Variants in PNPLA7 observed in about 807,000 individuals in gnomAD.
PNPLA7 encodes patatin like domain 7, lysophospholipase.
A neutral mutation model predicts 161.7 loss-of-function variants in PNPLA7; 153 were observed. That is an observed-to-expected ratio of 0.95 (90% confidence interval 0.83 to 1.08). The LOEUF is 1.08. Ranked by LOEUF, PNPLA7 falls within the 50% of genes least tolerant of loss-of-function variation. The probability of loss-of-function intolerance (pLI) is 0.00; values close to 1 mark genes in which losing one functional copy is unlikely to be tolerated. For synonymous variants in PNPLA7, 809 were observed against 782.1 expected, an observed-to-expected ratio of 1.03 and a Z score of -0.57; for missense variants, 1,739 against 1,856.6, an observed-to-expected ratio of 0.94 and a Z score of 1.16.
intron 8 of PNPLA7, among the ~76,000 whole-genome samples, chr9:137,526,703 C>T (rs2132521257): frequency 6.6e-6 from 1 of 152,312 alleles, no homozygotes; most frequent in Middle Eastern, 3.4e-3. Context: ...CCCAAGTTTG[C>T]AGTTTTGGAT....
At position 137,476,042 on chromosome 9, in the gene PNPLA7, A is replaced by G. The variant is rs765040603; in HGVS notation, c.2882+1992T>C. Among the ~76,000 whole-genome samples the G allele has an allele frequency of 6.6e-6, 1 of 152,246 alleles. No homozygotes were observed. The highest frequency in any genetic ancestry group is 2.4e-5 in the African/African-American group (1 of 41,470). ...TGGAATTGAACACAGGAGAGAAACA[A>G]AGGCAGTTTCCAGGGTGGTGGTGAA... On this transcript the variant is annotated intron_variant, in intron 25 of 34. Transcript: ENST00000406427. This position sits in a 1 kb window ranked among gnomAD's most constrained non-coding sequence, Gnocchi z 4.5.
rs1049431238 is a variant in PNPLA7 at position 137,523,239 on chromosome 9, C to T, written c.748-382G>A. ...AGCGTCGGTACCCCTCGCCAAAGGG[C>T]GTGCCAGACACCAACCTGAGCGGGC... On this transcript the variant is annotated intron_variant, in intron 8 of 34. Coordinates refer to ENST00000406427, the MANE Select transcript of PNPLA7 (RefSeq NM_001098537.3). This position sits in a 1 kb window ranked among gnomAD's most constrained non-coding sequence, Gnocchi z 4.4. Among the ~76,000 whole-genome samples, 8 of 152,270 alleles carry T rather than the reference C, an allele frequency of 5.3e-5. No individual in the cohort carries two copies. Among genetic ancestry groups the T allele is most frequent in the African/African-American group, 9.6e-5 (4 of 41,562 alleles).
At chr9:137,545,737 G>C (rs1005421105) in intron 4 of PNPLA7, among the ~76,000 whole-genome samples, 19 of 152,226 alleles carry the variant, frequency 1.2e-4, no homozygotes, top group South Asian at 6.2e-4. Context: ...AGGAGCTGAG[G>C]GGACATAGTG....
chr9:137,479,440 G>T, intron 23 of PNPLA7: 1 of 1,278,790 alleles, frequency 7.8e-7, no homozygotes, highest in Non-Finnish European at 9.9e-7. Flanking sequence ...ACTGTGTGCT[G>T]GGCAAGGTCA....
chr9:137,463,749 C>T (rs1468185720), intron 28 of PNPLA7, among the ~76,000 whole-genome samples: 3 of 151,986 alleles, frequency 2.0e-5, no homozygotes, highest in Admixed American at 6.5e-5. Flanking sequence ...CTGCTGTGAC[C>T]CCCTCACCCC....
chr9:137,478,753 C>G (rs940065027), intron 24 of PNPLA7: 22 of 329,298 alleles, frequency 6.7e-5, no homozygotes, highest in Non-Finnish European at 1.2e-4. Context: ...CCCCTGACGT[C>G]AGGCCCATCC....
In PNPLA7 at chr9:137,492,492, AG is replaced by A. The variant is rs1832813622; in HGVS notation, c.2197+520del. Among the ~76,000 whole-genome samples the A allele has an allele frequency of 8.6e-5, 2 of 23,322 alleles. 1 individual carries two copies. The highest frequency in any genetic ancestry group is 3.3e-3 in the South Asian group (2 of 604). 15.3% of individuals were successfully genotyped at this position (23,322 alleles called of 152,430 possible). A position where few individuals can be genotyped will look rare whatever the true frequency, so the allele number is the denominator to read the frequency against. ...CCATGGGTGGGCGGGGCTCCAGCAC[AG>A]GGGAGGGGCATGGGCGGGTGGGTGG... is the stretch of plus-strand genomic sequence containing the variant. On this transcript the variant is annotated intron_variant, in intron 20 of 34. Coordinates refer to ENST00000406427, the MANE Select transcript of PNPLA7 (RefSeq NM_001098537.3).
intron 8 of PNPLA7, among the ~76,000 whole-genome samples, chr9:137,530,171 T>C (rs1352283593): frequency 2.0e-5 from 3 of 151,368 alleles, no homozygotes; most frequent in Non-Finnish European, 4.4e-5. Flanking sequence ...TTAACCATGT[T>C]GGCCAGGACA....
rs566805121 is a variant in PNPLA7, at chr9:137,500,075, G to A, written c.1757+616C>T. The stretch of plus-strand genomic sequence containing the variant: ...GCGGCTCTGCCAGGCAGCCACAGGC[G>A]GGCCGAGGGCAGCTCTGGGCCTGGA... On this transcript the variant is annotated intron_variant, in intron 16 of 34. Coordinates refer to ENST00000406427, the MANE Select transcript of PNPLA7 (RefSeq NM_001098537.3). The surrounding 1 kb of genome is among the most constrained non-coding windows in gnomAD (Gnocchi z 5.5). 2.0e-5 allele frequency among the ~76,000 whole-genome samples: 3 copies of A among 152,246 alleles called. No individual in the cohort carries two copies. The highest frequency in any genetic ancestry group is 6.5e-5 in the Admixed American group (1 of 15,288).
At chr9:137,477,992 A>G in intron 25 of PNPLA7, 42 bp downstream of exon 25, 1 of 1,295,510 alleles carries the variant, frequency 7.7e-7, no homozygotes, top group Non-Finnish European at 9.9e-7. Flanking sequence ...GACTGTCACC[A>G]CACACACCAG....
At chr9:137,517,397 C>G (rs1467794767) in intron 11 of PNPLA7, among the ~76,000 whole-genome samples, 1 of 73,078 alleles carries the variant, frequency 1.4e-5, no homozygotes, top group Non-Finnish European at 2.6e-5. Flanking sequence ...TCCACTCTGT[C>G]CACTCCATCC....
In PNPLA7 at chr9:137,508,395, G is replaced by A. The variant is rs545438651; in HGVS notation, c.1226-2312C>T. Among the ~76,000 whole-genome samples the A allele has an allele frequency of 1.9e-4, 29 of 150,724 alleles. No homozygotes were observed. In the Middle Eastern group the frequency reaches 0.01, roughly 53 times the overall value. ...ATCCTGGCTAACACGGTGAAACCCC[G>A]TCTCTACTAAAAATACAAAAAATTA... On this transcript the variant is annotated intron_variant, in intron 12 of 34. Transcript: ENST00000406427.
At chr9:137,461,390 C>T (rs1335112921) in intron 33 of PNPLA7, 146 bp downstream of exon 33, 2 of 880,060 alleles carry the variant, frequency 2.3e-6, no homozygotes, top group Non-Finnish European at 3.4e-6. Flanking sequence ...CGGAGGAGTG[C>T]CACCAAGCAC....
At chr9:137,513,307 A>G (rs1026419027) in intron 12 of PNPLA7, among the ~76,000 whole-genome samples, 2 of 152,136 alleles carry the variant, frequency 1.3e-5, no homozygotes, top group African/African-American at 4.8e-5. Context: ...CCTGGCCAAC[A>G]TGGGGAAACC....
At chr9:137,530,127 G>T (rs1026160819) in intron 8 of PNPLA7, among the ~76,000 whole-genome samples, 1 of 152,056 alleles carries the variant, frequency 6.6e-6, no homozygotes, top group Non-Finnish European at 1.5e-5. Context: ...ACCACACCCA[G>T]CTAATTTTTT....
At chr9:137,515,320 G>A in intron 12 of PNPLA7, 59 bp downstream of exon 12, 1 of 1,565,998 alleles carries the variant, frequency 6.4e-7, no homozygotes, top group South Asian at 1.2e-5. Context: ...CTCAGCCTGG[G>A]TCTCAGATGC....
intron 17 of PNPLA7, among the ~76,000 whole-genome samples, chr9:137,497,550 C>T (rs374440813): frequency 1.3e-5 from 2 of 152,310 alleles, no homozygotes; most frequent in Admixed American, 1.3e-4. Context: ...TTTTTTGAGA[C>T]GGAGTCTCGC....
intron 16 of PNPLA7, among the ~76,000 whole-genome samples, chr9:137,498,722 C>T (rs1285612650): frequency 6.6e-6 from 1 of 152,144 alleles, no homozygotes; most frequent in Non-Finnish European, 1.5e-5. Flanking sequence ...ACCCGGGGAA[C>T]ACTGTTCTCT....
At chr9:137,477,080 C>T (rs1344980592) in intron 25 of PNPLA7, among the ~76,000 whole-genome samples, 2 of 152,200 alleles carry the variant, frequency 1.3e-5, no homozygotes, top group African/African-American at 4.8e-5. Context: ...AGAAGGCAGC[C>T]CTGGCCTGGA....
Sources: gnomAD v4.1 joint callset for allele counts (sites outside exome capture counted in the v4.1 genomes callset) on GRCh38, gnomAD v4.1.1 for gene constraint, Gnocchi (gnomAD v3.1) non-coding constraint, MANE v1.5 for transcripts, NCBI Gene and HGNC (gene_info 2026-07-23, HGNC 2026-07-21) for gene names.